The following PKN3 variants were observed in gnomAD, a reference collection of about 807,000 sequenced individuals.
PKN3 encodes protein kinase N3.
A neutral mutation model predicts 113.1 loss-of-function variants in PKN3; 91 were observed. The observed-to-expected ratio is 0.80, with a 90% CI of 0.68 to 0.96. The LOEUF (loss-of-function observed/expected upper bound fraction) is 0.96, where lower values mean the gene tolerates loss of function less well. Among genes scored for constraint, PKN3 ranks in the 40% least tolerant of loss-of-function variants. The pLI is 0.00. For missense variants in PKN3, 1,052 were observed against 1,202.2 expected (o/e 0.88, Z 1.85); for synonymous variants, 467 against 499.0 (o/e 0.94, Z 0.85).
rs1160137644 is a variant in PKN3, at chr9:128,720,676, C to T, written c.*70C>T. On this transcript the variant is annotated 3_prime_UTR_variant, in exon 22 of 22. Coordinates refer to ENST00000291906, the MANE Select transcript of PKN3 (RefSeq NM_013355.5). The surrounding 1 kb of genome is among the most constrained non-coding windows in gnomAD (Gnocchi z 5.5). ...GAGCCTCTGCTCGTTCACCCGTGCGCCCTGCCTGGAGGTCCAGGCCTTGCT... is the reference window on the plus strand; with the variant it reads ...GAGCCTCTGCTCGTTCACCCGTGCGTCCTGCCTGGAGGTCCAGGCCTTGCT... 20 of 1,383,716 alleles carry T rather than the reference C, an allele frequency of 1.4e-5. No individual in the cohort carries two copies. In the Admixed American group the frequency reaches 3.7e-4, roughly 26 times the overall value. The allele number at this position is 1,383,716 out of a possible 1,614,324, so 85.7% of individuals were successfully genotyped here. A position where few individuals can be genotyped will look rare whatever the true frequency, so the allele number is the denominator to read the frequency against.
rs150260139 is a variant in PKN3 at position 128,706,506 on chromosome 9, A to G, written c.412-207A>G. On this transcript the variant is annotated intron_variant, in intron 3 of 21. Coordinates refer to ENST00000291906, the MANE Select transcript of PKN3 (RefSeq NM_013355.5). ...ACCCCAGCCGTGATATGAAAGAGGA[A>G]ATTTGACCCCAGCCCTTGTTGGTCA... Among the ~76,000 whole-genome samples the G allele has an allele frequency of 7.5e-3, 1,135 of 150,718 alleles. 6 individuals are homozygous for G. The highest frequency in any genetic ancestry group is 0.012 in the Non-Finnish European group (831 of 67,966).
chr9:128,714,439 G>C (rs1862278708), intron 11 of PKN3, 74 bp downstream of exon 11: 2 of 1,312,120 alleles, frequency 1.5e-6, no homozygotes, highest in Non-Finnish European at 2.2e-6. Context: ...GGCGGTATCT[G>C]TCTGTCTGTC....
intron 6 of PKN3, 37 bp downstream of exon 6, chr9:128,707,442 C>G (rs1377251922): frequency 2.7e-5 from 42 of 1,541,526 alleles, no homozygotes; most frequent in Non-Finnish European, 3.7e-5. Context: ...AGCTCTCCTT[C>G]TTTTTGGGGG....
chr9:128,706,143 G>T lies in PKN3; in HGVS notation c.411+264G>T, dbSNP rs190839129. 1.1e-4 allele frequency among the ~76,000 whole-genome samples: 16 copies of T among 152,370 alleles called. No individual in the cohort carries two copies. The East Asian group carries it at 1.2e-3, about 11-fold the overall frequency. On this transcript the variant is annotated intron_variant, in intron 3 of 21. Transcript: ENST00000291906. ...TGTCCAGAACTGGGCCTCAGTCCTT[G>T]TCTGACAAGAAGACTTGGCTGTGGC... is the stretch of plus-strand genomic sequence containing the variant.
intron 15 of PKN3, 150 bp from the exon 16 acceptor site, chr9:128,716,597 C>A (rs10819432): frequency 0.16 from 92,837 of 562,722 alleles, 2,722 homozygotes; most frequent in Non-Finnish European, 0.21. Context: ...GACTGTGTCT[C>A]AAAAAAAAAA....
At position 128,714,677 on chromosome 9, in the gene PKN3, AG is replaced by A; in HGVS notation, c.1584+16del. ...CGAGGAGACTCCGGTGAGGGGCTGG[AG>A]GGACTAGTGGCTCCTAGGGCCGGCT... is the stretch of plus-strand genomic sequence containing the variant. On this transcript the variant is annotated intron_variant, in intron 12 of 21. Transcript: ENST00000291906. The A allele has an allele frequency of 7.4e-7, 1 of 1,357,574 alleles. No individual in the cohort carries two copies. The allele number at this position is 1,357,574 out of a possible 1,614,324, so 84.1% of individuals were successfully genotyped here. A position where few individuals can be genotyped will look rare whatever the true frequency, so the allele number is the denominator to read the frequency against.
In PKN3 at chr9:128,702,701, CG is replaced by C. The variant is rs1346489310; in HGVS notation, c.-212del. 3 of 470,152 alleles carry C rather than the reference CG, an allele frequency of 6.4e-6. No individual in the cohort carries two copies. The highest frequency in any genetic ancestry group is 1.1e-5 in the Non-Finnish European group (3 of 270,066). 29.1% of individuals were successfully genotyped at this position (470,152 alleles called of 1,614,324 possible). On this transcript the variant is annotated 5_prime_UTR_variant, in exon 1 of 22. The change abolishes the stop of an existing upstream ORF in the 5' untranslated region. Transcript: ENST00000291906. ...TGGATCCGAGGGAGGCGCTGGGGCG[CG>C]GGACCTCGGGCGTGGGGTCCCGGGC... is the stretch of plus-strand genomic sequence containing the variant.
rs1383778969 is a variant in PKN3, at chr9:128,702,910, G to A, written c.-6G>A. 2 of 1,481,232 alleles carry A rather than the reference G, an allele frequency of 1.4e-6. No individual in the cohort carries two copies. The highest frequency in any genetic ancestry group is 1.8e-6 in the Non-Finnish European group (2 of 1,119,616). The allele number at this position is 1,481,232 out of a possible 1,614,324, so 91.8% of individuals were successfully genotyped here. A position where few individuals can be genotyped will look rare whatever the true frequency, so the allele number is the denominator to read the frequency against. On this transcript the variant is annotated 5_prime_UTR_variant, in exon 1 of 22. Coordinates refer to ENST00000291906, the MANE Select transcript of PKN3 (RefSeq NM_013355.5). ...GAGAAGGGCCCCAAGCGGCCGGAGC[G>A]GCGCCATGGAGGAGGGGGCGCCGCG...
intron 1 of PKN3, chr9:128,703,758 C>G (rs1303808118): frequency 1.0e-6 from 1 of 985,286 alleles, no homozygotes; most frequent in Non-Finnish European, 1.2e-6. Flanking sequence ...AGCGCCCAAG[C>G]CAGTCGTTTA....
intron 6 of PKN3, among the ~76,000 whole-genome samples, chr9:128,711,606 G>A (rs558031778): frequency 7.9e-6 from 1 of 126,756 alleles, no homozygotes; most frequent in African/African-American, 3.0e-5. Flanking sequence ...CCTTTTTTTT[G>A]GGGGGGGTGG....
intron 17 of PKN3, 61 bp from the exon 18 acceptor site, chr9:128,718,488 C>CGTTA: frequency 6.3e-7 from 1 of 1,593,882 alleles, no homozygotes; most frequent in South Asian, 1.1e-5. Flanking sequence ...CTCCAGGGGC[C>CGTTA]GTTACTGTTC....
rs1236410107 is a variant in PKN3 at position 128,720,048 on chromosome 9, G to A, written c.2376+31G>A. On this transcript the variant is annotated intron_variant, in intron 20 of 21. Coordinates refer to ENST00000291906, the MANE Select transcript of PKN3 (RefSeq NM_013355.5). The surrounding 1 kb of genome is among the most constrained non-coding windows in gnomAD (Gnocchi z 5.5). ...CACTGCGGGGTCTGGGGCTGGGCTG[G>A]ATGGCCGCTCAAGGCCCATGTGCCC... 4 of 1,589,034 alleles carry A rather than the reference G, an allele frequency of 2.5e-6. No homozygotes were observed. The highest frequency in any genetic ancestry group is 4.5e-5 in the East Asian group (2 of 44,730).
Position 128,715,860 on chromosome 9 carries a change from A to G in PKN3, c.1808+400A>G, listed in dbSNP as rs1862322424. 6.6e-6 allele frequency among the ~76,000 whole-genome samples: 1 copy of G among 152,102 alleles called. No individual in the cohort carries two copies. Among genetic ancestry groups the G allele is most frequent in the Admixed American group, 6.6e-5 (1 of 15,262 alleles). On this transcript the variant is annotated intron_variant, in intron 15 of 21. Coordinates refer to ENST00000291906, the MANE Select transcript of PKN3 (RefSeq NM_013355.5). The surrounding 1 kb of genome is among the most constrained non-coding windows in gnomAD (Gnocchi z 4.1). ...GAAACCCCATCTATAAAAAATAGCC[A>G]GACATGGTGGCATGTGCCTTTAGTC...
intron 15 of PKN3, 120 bp from the exon 16 acceptor site, chr9:128,716,627 T>A: frequency 4.3e-6 from 3 of 697,446 alleles, no homozygotes; most frequent in Non-Finnish European, 7.4e-6. Flanking sequence ...AAAGAAACCA[T>A]CAGTCTACTT....
intron 13 of PKN3, 80 bp downstream of exon 13, chr9:128,714,945 C>G (rs937689803): frequency 2.2e-6 from 3 of 1,350,890 alleles, no homozygotes; most frequent in South Asian, 2.3e-5. Context: ...ATACATTACT[C>G]CCTGGCTCCC....
intron 6 of PKN3, among the ~76,000 whole-genome samples, chr9:128,711,055 G>A (rs986225455): frequency 3.3e-5 from 5 of 151,608 alleles, no homozygotes; most frequent in African/African-American, 1.2e-4. Context: ...GCCCAGACTG[G>A]AGTGCAGTGG....
At position 128,720,150 on chromosome 9, in the gene PKN3, A is replaced by T; in HGVS notation, c.2377-53A>T. On this transcript the variant is annotated intron_variant, in intron 20 of 21. Transcript: ENST00000291906. The surrounding 1 kb of genome is among the most constrained non-coding windows in gnomAD (Gnocchi z 5.5). ...CCAGCGTGCTTGGGGCCTGTGGATG[A>T]TGGCAGTGCCTGGGGCTGAATGCCC... is the stretch of plus-strand genomic sequence containing the variant. 6.3e-7 allele frequency: 1 copy of T among 1,578,404 alleles called. No individual in the cohort carries two copies. Among genetic ancestry groups the T allele is most frequent in the Non-Finnish European group, 8.7e-7 (1 of 1,150,878 alleles).
rs541183025 is a variant in PKN3, at chr9:128,714,432, G to A, written c.1481+67G>A. 6.4e-5 allele frequency: 89 copies of A among 1,382,654 alleles called. No individual in the cohort carries two copies. The Admixed American group carries it at 8.7e-4, about 13-fold the overall frequency. 85.6% of individuals were successfully genotyped at this position (1,382,654 alleles called of 1,614,324 possible). On this transcript the variant is annotated intron_variant, in intron 11 of 21. Transcript: ENST00000291906. ...CGGCTTCCTGACTCCAGATCCAGGC[G>A]GTATCTGTCTGTCTGTCTGCATTGC...
At chr9:128,707,501 C>A in intron 6 of PKN3, 96 bp downstream of exon 6, 1 of 1,029,436 alleles carries the variant, frequency 9.7e-7, no homozygotes, top group South Asian at 1.6e-5. Flanking sequence ...GAGTTCCAGT[C>A]CTGCCCCAGC....
Sources: gnomAD v4.1 joint callset for allele counts (sites outside exome capture counted in the v4.1 genomes callset) on GRCh38, gnomAD v4.1.1 for gene constraint, Gnocchi (gnomAD v3.1) non-coding constraint, MANE v1.5 for transcripts, NCBI Gene and HGNC (gene_info 2026-07-23, HGNC 2026-07-21) for gene names.